Variants in CAMKMT observed in about 807,000 individuals in gnomAD.
The protein encoded by CAMKMT is CaM KMT.
A neutral mutation model predicts 48.0 loss-of-function variants in CAMKMT; 53 were observed. The observed-to-expected ratio is 1.10, with a 90% confidence interval of 0.89 to 1.39. The LOEUF (loss-of-function observed/expected upper bound fraction) is 1.39. Among genes scored for constraint, CAMKMT ranks in the 40% most tolerant of loss-of-function variants. The pLI, the probability that CAMKMT is intolerant of heterozygous loss-of-function variation, is 0.00. For synonymous variants in CAMKMT, 165 were observed against 152.3 expected (o/e 1.08, Z -0.61); for missense variants, 428 against 402.7 (o/e 1.06, Z -0.54).
chr2:44,759,612 G>A (rs1010538053), intron 9 of CAMKMT, among the ~76,000 whole-genome samples: 3 of 152,108 alleles, frequency 2.0e-5, no homozygotes, highest in African/African-American at 4.8e-5. Flanking sequence ...GAGACCCAGC[G>A]ACTCCTCACC....
rs192693344 is a variant in CAMKMT at position 44,634,960 on chromosome 2, G to A, written c.377-69323G>A. 6.6e-5 allele frequency among the ~76,000 whole-genome samples: 10 copies of A among 152,326 alleles called. No homozygotes were observed. The East Asian group carries it at 1.5e-3, about 24-fold the overall frequency. ...GCAGTGGCTCATGCCTGTAATCGCA[G>A]TGCTTTGGGAGGCCAAGGTGGAGGA... On this transcript the variant is annotated intron_variant, in intron 3 of 10. Coordinates refer to ENST00000378494, the MANE Select transcript of CAMKMT (RefSeq NM_024766.5).
At chr2:44,468,027 C>G (rs908488332) in intron 3 of CAMKMT, among the ~76,000 whole-genome samples, 4 of 152,030 alleles carry the variant, frequency 2.6e-5, no homozygotes, top group African/African-American at 9.7e-5. Context: ...AACTAAAAAG[C>G]TTTTGCACAA....
At chr2:44,768,512 CAGG>C (rs1425974767) in intron 10 of CAMKMT, among the ~76,000 whole-genome samples, 2 of 151,986 alleles carry the variant, frequency 1.3e-5, no homozygotes, top group Non-Finnish European at 2.9e-5. Context: ...TGCTCCTTTG[CAGG>C]AGAAGGAGCT....
chr2:44,372,484 A>G lies in CAMKMT; in HGVS notation c.139-232A>G, dbSNP rs556182303. 6.6e-5 allele frequency among the ~76,000 whole-genome samples: 10 copies of G among 150,484 alleles called. No homozygotes were observed. The South Asian group carries it at 2.1e-3, about 32-fold the overall frequency. The stretch of plus-strand genomic sequence containing the variant: ...CCTGTCTCAAAAAAAAAAAAAAAAG[A>G]TATCAGACTTGTAAATCTTCACTGT... On this transcript the variant is annotated intron_variant, in intron 1 of 10. Coordinates refer to ENST00000378494, the MANE Select transcript of CAMKMT (RefSeq NM_024766.5).
chr2:44,477,386 A>G (rs1668742509), intron 3 of CAMKMT, among the ~76,000 whole-genome samples: 1 of 152,234 alleles, frequency 6.6e-6, no homozygotes, highest in Non-Finnish European at 1.5e-5. Flanking sequence ...ACAACTTTGT[A>G]TCAAATAAGT....
At chr2:44,425,678 A>G (rs1400148453) in intron 3 of CAMKMT, among the ~76,000 whole-genome samples, 1 of 151,910 alleles carries the variant, frequency 6.6e-6, no homozygotes, top group African/African-American at 2.4e-5. Context: ...TAAGGTAGAG[A>G]GTATTTCAGG....
At chr2:44,732,543 C>G (rs1679135397) in intron 7 of CAMKMT, among the ~76,000 whole-genome samples, 1 of 152,100 alleles carries the variant, frequency 6.6e-6, no homozygotes, top group Non-Finnish European at 1.5e-5. Flanking sequence ...CTTGTATGCG[C>G]CTTGCTCTTT....
intron 3 of CAMKMT, among the ~76,000 whole-genome samples, chr2:44,448,731 T>C (rs1313291926): frequency 6.6e-6 from 1 of 152,198 alleles, no homozygotes; most frequent in African/African-American, 2.4e-5. Flanking sequence ...AAACTGTTAT[T>C]CTGAGGCATT....
intron 1 of CAMKMT, among the ~76,000 whole-genome samples, chr2:44,371,728 AT>A: frequency 6.6e-6 from 1 of 152,118 alleles, no homozygotes; most frequent in Non-Finnish European, 1.5e-5. Context: ...CTCAGATGTC[AT>A]TTTTTCTTTA....
intron 3 of CAMKMT, among the ~76,000 whole-genome samples, chr2:44,505,232 TA>T (rs1159215025): frequency 6.6e-6 from 1 of 152,132 alleles, no homozygotes; most frequent in Non-Finnish European, 1.5e-5. Context: ...ACCCACTTTC[TA>T]ATTGTTTTTT....
intron 3 of CAMKMT, among the ~76,000 whole-genome samples, chr2:44,450,217 A>C (rs991729373): frequency 2.0e-5 from 3 of 152,144 alleles, no homozygotes; most frequent in Non-Finnish European, 2.9e-5. Flanking sequence ...ATGCTGACTT[A>C]CACTGCGTCT....
chr2:44,621,768 A>C (rs1371071600), intron 3 of CAMKMT, among the ~76,000 whole-genome samples: 2 of 152,228 alleles, frequency 1.3e-5, no homozygotes, highest in African/African-American at 4.8e-5. Context: ...GGTTTTAACC[A>C]AAGGAATAGC....
At chr2:44,697,139 A>G (rs894121746) in intron 3 of CAMKMT, among the ~76,000 whole-genome samples, 1 of 152,180 alleles carries the variant, frequency 6.6e-6, no homozygotes, top group African/African-American at 2.4e-5. Context: ...TTTGTAAGAA[A>G]CTTTCCAAGA....
At chr2:44,761,769 CA>C (rs979702129) in intron 9 of CAMKMT, among the ~76,000 whole-genome samples, 31 of 152,144 alleles carry the variant, frequency 2.0e-4, no homozygotes, top group African/African-American at 6.0e-4. Context: ...AAGAGGTACT[CA>C]GCTTGCATAT....
At chr2:44,655,486 C>A (rs1674327966) in intron 3 of CAMKMT, among the ~76,000 whole-genome samples, 1 of 152,144 alleles carries the variant, frequency 6.6e-6, no homozygotes, top group Admixed American at 6.5e-5. Context: ...CCATTTTACC[C>A]ACTTCTAGGC....
intron 1 of CAMKMT, among the ~76,000 whole-genome samples, chr2:44,363,946 TC>T (rs942382313): frequency 3.4e-5 from 5 of 149,154 alleles, no homozygotes; most frequent in African/African-American, 1.2e-4. Flanking sequence ...TTGCCTCGCC[TC>T]CCGAAGTGCT....
chr2:44,403,635 G>A (rs189792051), intron 3 of CAMKMT, among the ~76,000 whole-genome samples: 1 of 152,232 alleles, frequency 6.6e-6, no homozygotes, highest in Admixed American at 6.5e-5. Flanking sequence ...TTTAGGTGGG[G>A]TGTCAGGAAG....
chr2:44,662,780 T>C (rs1345960745), intron 3 of CAMKMT, among the ~76,000 whole-genome samples: 1 of 152,124 alleles, frequency 6.6e-6, no homozygotes, highest in Non-Finnish European at 1.5e-5. Context: ...CCCAGGCTGG[T>C]CTTGAACTCC....
chr2:44,685,709 TG>T (rs1676297891), intron 3 of CAMKMT, among the ~76,000 whole-genome samples: 2 of 152,184 alleles, frequency 1.3e-5, no homozygotes, highest in Non-Finnish European at 2.9e-5. Context: ...TCTCAACTCA[TG>T]CTGCCACAAG....
Sources: allele counts gnomAD v4.1 joint callset (sites outside exome capture counted in the v4.1 genomes callset), GRCh38; gene constraint gnomAD v4.1.1; transcripts MANE v1.5; gene names NCBI Gene and HGNC (gene_info 2026-07-23, HGNC 2026-07-21).